TUSC3: variants seen among roughly 807,000 people sequenced by gnomAD.
The protein encoded by TUSC3 is dolichyl-diphosphooligosaccharide--protein glycosyltransferase subunit TUSC3.
A neutral mutation model predicts 44.8 loss-of-function variants in TUSC3; 45 were observed. The observed-to-expected ratio is 1.00, with a 90% CI of 0.79 to 1.29. TUSC3 has a LOEUF of 1.29. TUSC3 is among the 50% of genes most tolerant of loss of function. The pLI is 0.00. For synonymous variants in TUSC3, 212 were observed against 152.9 expected, an observed-to-expected ratio of 1.39 and a Z score of -2.85; for missense variants, 519 against 437.9, an observed-to-expected ratio of 1.19 and a Z score of -1.65.
chr8:15,546,629 G>A lies in TUSC3; in HGVS notation c.138+6061G>A, dbSNP rs1801873668. 1.3e-5 allele frequency among the ~76,000 whole-genome samples: 2 copies of A among 151,562 alleles called. 1 individual carries two copies. Among genetic ancestry groups the A allele is most frequent in the Admixed American group, 1.3e-4 (2 of 15,168 alleles). On this transcript the variant is annotated intron_variant, in intron 1 of 10. Coordinates refer to ENST00000503731, the MANE Select transcript of TUSC3 (RefSeq NM_006765.4). ...TGGCTCACTGCAACCTCTGCCTCCT[G>A]GGTTCAAGCAATCCCCCTGCCTCAG...
At chr8:15,838,739 A>G in the TUSC3 span, among the ~76,000 whole-genome samples, 1 of 152,164 alleles carries the variant, frequency 6.6e-6, no homozygotes, top group Non-Finnish European at 1.5e-5. Flanking sequence ...TACCAGTACC[A>G]TGCTGTTTTG....
intron 1 of TUSC3, among the ~76,000 whole-genome samples, chr8:15,609,525 A>T (rs142263772): frequency 6.6e-6 from 1 of 152,168 alleles, no homozygotes. Context: ...ACAGAAGGAT[A>T]TGAAAGAGTT....
At chr8:15,599,915 A>C (rs1040656935) in intron 1 of TUSC3, among the ~76,000 whole-genome samples, 1 of 151,628 alleles carries the variant, frequency 6.6e-6, no homozygotes, top group Non-Finnish European at 1.5e-5. Context: ...TTCTCCAAAT[A>C]AACTTTGTCT....
chr8:15,708,233 T>G (rs1207601268), intron 6 of TUSC3, among the ~76,000 whole-genome samples: 1 of 151,844 alleles, frequency 6.6e-6, no homozygotes, highest in East Asian at 1.9e-4. Context: ...ATTGGTAGAT[T>G]CAGGATAATA....
the TUSC3 span, among the ~76,000 whole-genome samples, chr8:15,847,051 C>G: frequency 1.8e-4 from 27 of 152,178 alleles, no homozygotes; most frequent in African/African-American, 6.3e-4. Context: ...TCCATAACAG[C>G]ACAGAATAGG....
At chr8:15,702,326 G>A (rs1809442010) in intron 6 of TUSC3, among the ~76,000 whole-genome samples, 1 of 152,162 alleles carries the variant, frequency 6.6e-6, no homozygotes, top group African/African-American at 2.4e-5. Context: ...AAACAATTTA[G>A]ATAGGGAACT....
At chr8:15,431,089 T>A (rs1325325685) in intron 1 of TUSC3, among the ~76,000 whole-genome samples, 2 of 151,824 alleles carry the variant, frequency 1.3e-5, no homozygotes, top group Non-Finnish European at 2.9e-5. Flanking sequence ...ACTGTGGCTT[T>A]GTAATATATT....
chr8:15,739,769 A>G (rs1165589677), intron 7 of TUSC3, among the ~76,000 whole-genome samples: 1 of 152,214 alleles, frequency 6.6e-6, no homozygotes, highest in Non-Finnish European at 1.5e-5. Flanking sequence ...GCTAGCAATT[A>G]TGTTCTTTGC....
At chr8:15,850,291 T>C in the TUSC3 span, among the ~76,000 whole-genome samples, 1 of 152,298 alleles carries the variant, frequency 6.6e-6, no homozygotes, top group South Asian at 2.1e-4. Context: ...AGAAATGTTG[T>C]GGCAGCATCT....
intron 2 of TUSC3, among the ~76,000 whole-genome samples, chr8:15,508,983 C>T (rs767928477): frequency 7.9e-5 from 12 of 151,992 alleles, no homozygotes; most frequent in Non-Finnish European, 1.5e-4. Context: ...CCAGAAGTTG[C>T]GCCTGGTAGA....
the TUSC3 span, among the ~76,000 whole-genome samples, chr8:15,843,844 G>C: frequency 2.6e-5 from 4 of 151,972 alleles, no homozygotes; most frequent in Non-Finnish European, 5.9e-5. Flanking sequence ...GTGTCAGTAA[G>C]ATCTGTCCTG....
At chr8:15,758,262 A>G (rs1437643066) in intron 10 of TUSC3, 4 of 984,238 alleles carry the variant, frequency 4.1e-6, no homozygotes, top group Non-Finnish European at 4.8e-6. Flanking sequence ...GTAATAAAAA[A>G]TACAAGTCTT....
intron 6 of TUSC3, among the ~76,000 whole-genome samples, chr8:15,706,471 A>G (rs1809619475): frequency 1.3e-5 from 2 of 152,020 alleles, no homozygotes; most frequent in Admixed American, 1.3e-4. Flanking sequence ...AACCCTTCAA[A>G]CTTTTCACAT....
intron 2 of TUSC3, among the ~76,000 whole-genome samples, chr8:15,534,937 A>T (rs1801503012): frequency 6.6e-6 from 1 of 152,156 alleles, no homozygotes; most frequent in African/African-American, 2.4e-5. Flanking sequence ...ATTGGCCAAT[A>T]CTCAGCTGTT....
chr8:15,830,229 C>T, the TUSC3 span, among the ~76,000 whole-genome samples: 7 of 152,010 alleles, frequency 4.6e-5, no homozygotes, highest in Non-Finnish European at 8.8e-5. Context: ...AATATTTTCC[C>T]CCATTCTGTA....
At chr8:15,597,973 A>C (rs1156516153) in intron 1 of TUSC3, among the ~76,000 whole-genome samples, 1 of 152,064 alleles carries the variant, frequency 6.6e-6, no homozygotes. Context: ...ATGCACACAC[A>C]ACACTTATTC....
chr8:15,634,873 G>A (rs1805993528), intron 2 of TUSC3, among the ~76,000 whole-genome samples: 5 of 152,114 alleles, frequency 3.3e-5, no homozygotes. Flanking sequence ...GAGATATAAG[G>A]GCATTTCAAT....
At chr8:15,713,726 T>C (rs1809952495) in intron 6 of TUSC3, among the ~76,000 whole-genome samples, 1 of 151,958 alleles carries the variant, frequency 6.6e-6, no homozygotes, top group African/African-American at 2.4e-5. Context: ...AAGATGCCAA[T>C]TATATTGGAT....
At chr8:15,641,997 A>C (rs76767073) in intron 2 of TUSC3, among the ~76,000 whole-genome samples, 1,909 of 152,334 alleles carry the variant, frequency 0.013, 84 homozygotes, top group Admixed American at 0.087. Flanking sequence ...AATTGTACCC[A>C]TTATATACAT....
Sources: allele counts gnomAD v4.1 joint callset (sites outside exome capture counted in the v4.1 genomes callset), GRCh38; gene constraint gnomAD v4.1.1; transcripts MANE v1.5; gene names NCBI Gene and HGNC (gene_info 2026-07-23, HGNC 2026-07-21).